The following WDR7 variants were observed in gnomAD, a reference collection of about 807,000 sequenced individuals.
WDR7 encodes the protein WD repeat domain 7.
WDR7 carries 46 observed loss-of-function variants against 169.4 expected under a neutral mutation model. The ratio of observed to expected loss-of-function variants is 0.27; its 90% CI spans 0.21 to 0.35. WDR7 has a LOEUF of 0.35. WDR7 is among the 10% of genes least tolerant of loss of function. The pLI is 1.00. For missense variants in WDR7, 1,534 were observed against 1,859.3 expected (o/e 0.83, Z 3.22); for synonymous variants, 612 against 666.8 (o/e 0.92, Z 1.27).
intron 25 of WDR7, among the ~76,000 whole-genome samples, chr18:56,958,112 G>T (rs142799133): frequency 6.6e-6 from 1 of 152,128 alleles, no homozygotes; most frequent in African/African-American, 2.4e-5. Flanking sequence ...AGAAACTCAG[G>T]TACTGAGTGT....
At chr18:56,732,540 A>G (rs1343312137) in intron 14 of WDR7, among the ~76,000 whole-genome samples, 2 of 152,202 alleles carry the variant, frequency 1.3e-5, no homozygotes, top group Admixed American at 1.3e-4. Flanking sequence ...CTGATGATAC[A>G]TGAAATACTG....
intron 16 of WDR7, among the ~76,000 whole-genome samples, chr18:56,773,704 A>G (rs1729415684): frequency 6.6e-6 from 1 of 152,146 alleles, no homozygotes; most frequent in African/African-American, 2.4e-5. Flanking sequence ...TTGATTTATA[A>G]GGTGGCTAAA....
intron 16 of WDR7, among the ~76,000 whole-genome samples, chr18:56,763,205 C>T (rs940110885): frequency 2.0e-5 from 3 of 152,134 alleles, no homozygotes; most frequent in African/African-American, 7.2e-5. Flanking sequence ...GTGATCCTCC[C>T]ACAGTGCTGG....
chr18:56,794,304 A>ATTTTTTTTTTTGTTTTTTTT (rs2044544422), intron 19 of WDR7, among the ~76,000 whole-genome samples: 1 of 49,466 alleles, frequency 2.0e-5, no homozygotes, highest in Non-Finnish European at 3.8e-5. Flanking sequence ...GGTAAAGTCT[A>ATTTTTTTTTTTGTTTTTTTT]TTTTTTTTTT....
chr18:56,877,807 TGTG>T (rs1232186275), intron 20 of WDR7, among the ~76,000 whole-genome samples: 4 of 152,260 alleles, frequency 2.6e-5, no homozygotes, highest in African/African-American at 9.6e-5. Flanking sequence ...AGGTCAGAAT[TGTG>T]GTGACCTTTA....
Position 57,027,001 on chromosome 18 carries a change from C to T in WDR7, c.4270-3C>T, listed in dbSNP as rs1568320514. On this transcript the variant is annotated splice_polypyrimidine_tract_variant and splice_region_variant and intron_variant, in intron 27 of 27. Transcript: ENST00000254442. ...TGACACATGTGCTCTCCTGTCCCTCCAGATGAACACGTCACTGCTGGGAAG... is the reference window on the plus strand; with the variant it reads ...TGACACATGTGCTCTCCTGTCCCTCTAGATGAACACGTCACTGCTGGGAAG... 4 of 1,613,186 alleles carry T rather than the reference C, an allele frequency of 2.5e-6. No individual in the cohort carries two copies. The highest frequency in any genetic ancestry group is 3.4e-6 in the Non-Finnish European group (4 of 1,179,638).
intron 13 of WDR7, among the ~76,000 whole-genome samples, chr18:56,723,341 A>C (rs909743461): frequency 1.3e-5 from 2 of 150,912 alleles, no homozygotes; most frequent in Non-Finnish European, 3.0e-5. Context: ...GTAGATATAG[A>C]TTTTGCCTGG....
chr18:56,803,828 GT>G (rs1399561148), intron 19 of WDR7, among the ~76,000 whole-genome samples: 3 of 152,106 alleles, frequency 2.0e-5, no homozygotes, highest in Admixed American at 6.5e-5. Flanking sequence ...TTGAGACAGG[GT>G]CTTGCTCCGT....
chr18:56,678,484 A>AAG (rs55888225), intron 2 of WDR7, among the ~76,000 whole-genome samples: 147,706 of 152,092 alleles, frequency 0.97, 71,832 homozygotes, highest in East Asian at 1. Context: ...TTTAGGGGAG[A>AAG]CCCAGTAACA....
intron 19 of WDR7, among the ~76,000 whole-genome samples, chr18:56,795,677 A>G (rs572722275): frequency 6.6e-6 from 1 of 151,754 alleles, no homozygotes; most frequent in Admixed American, 6.6e-5. Context: ...GTTTGTTTGT[A>G]TTCACTCTGT....
At chr18:56,831,530 T>A (rs1172031914) in intron 20 of WDR7, among the ~76,000 whole-genome samples, 1 of 152,068 alleles carries the variant, frequency 6.6e-6, no homozygotes, top group Non-Finnish European at 1.5e-5. Context: ...TTTATATTTA[T>A]TTAAAACATT....
chr18:56,701,592 T>C (rs1232199703), intron 12 of WDR7, among the ~76,000 whole-genome samples: 1 of 152,180 alleles, frequency 6.6e-6, no homozygotes, highest in Non-Finnish European at 1.5e-5. Flanking sequence ...CTCGAGCTTT[T>C]TATGTTGTTA....
intron 20 of WDR7, among the ~76,000 whole-genome samples, chr18:56,828,513 A>G (rs1437566492): frequency 6.6e-6 from 1 of 152,210 alleles, no homozygotes; most frequent in Non-Finnish European, 1.5e-5. Flanking sequence ...AACATGTTTG[A>G]AAAATAATAG....
At chr18:57,013,518 G>T (rs1334578450) in intron 26 of WDR7, among the ~76,000 whole-genome samples, 1 of 152,162 alleles carries the variant, frequency 6.6e-6, no homozygotes. Context: ...AGACCCAATG[G>T]TGAGACAGAA....
intron 19 of WDR7, among the ~76,000 whole-genome samples, chr18:56,805,118 T>A (rs2044749188): frequency 6.6e-6 from 1 of 152,124 alleles, no homozygotes; most frequent in African/African-American, 2.4e-5. Flanking sequence ...ACACCCTAAG[T>A]AATGCTTTGG....
chr18:56,792,228 A>G (rs1487502370), intron 19 of WDR7, among the ~76,000 whole-genome samples: 2 of 152,234 alleles, frequency 1.3e-5, no homozygotes, highest in African/African-American at 4.8e-5. Context: ...ATGTTGCCCA[A>G]GCTGGTCTCC....
At chr18:56,669,045 C>G (rs371171388) in intron 1 of WDR7, among the ~76,000 whole-genome samples, 5 of 152,156 alleles carry the variant, frequency 3.3e-5, no homozygotes, top group African/African-American at 1.2e-4. Context: ...GATGGGGAAA[C>G]TGAGACCTAG....
chr18:56,948,824 C>T (rs1465637723), intron 25 of WDR7, among the ~76,000 whole-genome samples: 4 of 152,140 alleles, frequency 2.6e-5, no homozygotes, highest in South Asian at 4.1e-4. Context: ...CAGGCTTACA[C>T]GTGTCAGGGG....
At chr18:56,917,684 G>T (rs1156965781) in intron 21 of WDR7, among the ~76,000 whole-genome samples, 1 of 152,080 alleles carries the variant, frequency 6.6e-6, no homozygotes, top group Non-Finnish European at 1.5e-5. Context: ...CATCTTGCTG[G>T]AGCAACAAGT....
Sources: gnomAD v4.1 joint callset for allele counts (sites outside exome capture counted in the v4.1 genomes callset) on GRCh38, gnomAD v4.1.1 for gene constraint, MANE v1.5 for transcripts, NCBI Gene and HGNC (gene_info 2026-07-23, HGNC 2026-07-21) for gene names.